ELMO1: variants seen among roughly 807,000 people sequenced by gnomAD.
The protein encoded by ELMO1 is engulfment and cell motility 1.
A neutral mutation model predicts 98.9 loss-of-function variants in ELMO1; 26 were observed. The ratio of observed to expected loss-of-function variants is 0.26; its 90% CI spans 0.19 to 0.36. The LOEUF is 0.36. ELMO1 is among the 10% of genes least tolerant of loss of function. The pLI is 1.00. For missense variants in ELMO1, 627 were observed against 935.2 expected (o/e 0.67, Z 4.30); for synonymous variants, 346 against 346.0 (o/e 1.00, Z 0.00).
chr7:36,992,831 A>G (rs577525002), intron 16 of ELMO1, among the ~76,000 whole-genome samples: 195 of 152,258 alleles, frequency 1.3e-3, no homozygotes, highest in Non-Finnish European at 1.3e-3. Flanking sequence ...CCCACGGCTC[A>G]CCATGTTTTT....
intron 5 of ELMO1, among the ~76,000 whole-genome samples, chr7:37,260,674 A>T (rs186899894): frequency 6.1e-4 from 93 of 152,288 alleles, no homozygotes; most frequent in African/African-American, 2.1e-3. Context: ...GATAGAACCC[A>T]TGCCCCGATC....
intron 4 of ELMO1, among the ~76,000 whole-genome samples, chr7:37,290,326 A>G (rs551296473): frequency 7.9e-5 from 12 of 152,234 alleles, no homozygotes; most frequent in Non-Finnish European, 1.6e-4. Context: ...AGAAAAAGGT[A>G]AAGATTTAGC....
At chr7:37,341,685 C>G (rs184559090) in intron 2 of ELMO1, among the ~76,000 whole-genome samples, 4 of 152,134 alleles carry the variant, frequency 2.6e-5, no homozygotes, top group Admixed American at 2.6e-4. Flanking sequence ...GATCTGCCAC[C>G]AGATAATAAA....
intron 1 of ELMO1, among the ~76,000 whole-genome samples, chr7:37,423,495 G>A (rs1387032910): frequency 5.9e-5 from 9 of 152,152 alleles, no homozygotes; most frequent in African/African-American, 1.7e-4. Context: ...CAGGAGAATC[G>A]CTTGAACCCG....
intron 1 of ELMO1, among the ~76,000 whole-genome samples, chr7:37,367,363 A>G (rs1382188011): frequency 1.3e-5 from 2 of 152,170 alleles, no homozygotes; most frequent in Non-Finnish European, 2.9e-5. Flanking sequence ...TATTGTCCTA[A>G]TTCCACTCTG....
chr7:36,900,765 A>G (rs1450244543), intron 16 of ELMO1, among the ~76,000 whole-genome samples: 1 of 152,200 alleles, frequency 6.6e-6, no homozygotes. Context: ...TGACGAGAAA[A>G]GGCTGTCTTA....
At chr7:37,385,327 C>T (rs561427092) in intron 1 of ELMO1, among the ~76,000 whole-genome samples, 63 of 152,302 alleles carry the variant, frequency 4.1e-4, no homozygotes, top group Non-Finnish European at 8.7e-4. Flanking sequence ...CTTTTCTGTT[C>T]CTCATTCCAT....
At chr7:37,449,131 T>A (rs1805791765), upstream of ELMO1, 1 of 152,132 alleles carries the variant, frequency 6.6e-6, no homozygotes, top group Non-Finnish European at 1.5e-5. Context: ...CTTTTTGAAG[T>A]CCCCCTACTT....
At chr7:36,948,211 C>T (rs754115390) in intron 16 of ELMO1, among the ~76,000 whole-genome samples, 16 of 151,720 alleles carry the variant, frequency 1.1e-4, no homozygotes, top group Non-Finnish European at 2.1e-4. Flanking sequence ...TTCTTAAAAT[C>T]ATTTAGAGGG....
intron 1 of ELMO1, among the ~76,000 whole-genome samples, chr7:37,421,530 C>T (rs2131533423): frequency 6.6e-6 from 1 of 152,272 alleles, no homozygotes; most frequent in South Asian, 2.1e-4. Flanking sequence ...TAAATCTTTC[C>T]CTGTGAGGAT....
intron 14 of ELMO1, among the ~76,000 whole-genome samples, chr7:37,121,625 G>T (rs1786048913): frequency 1.3e-5 from 2 of 152,218 alleles, no homozygotes; most frequent in African/African-American, 4.8e-5. Flanking sequence ...ATGGGACTAT[G>T]TGAAAAGACC....
chr7:36,981,866 TTC>T (rs1475192169), intron 16 of ELMO1, among the ~76,000 whole-genome samples: 3 of 152,248 alleles, frequency 2.0e-5, no homozygotes, highest in Non-Finnish European at 4.4e-5. Flanking sequence ...AACATTCTGT[TTC>T]TCTGTTACCA....
intron 7 of ELMO1, among the ~76,000 whole-genome samples, chr7:37,238,573 G>A (rs1351782453): frequency 6.6e-6 from 1 of 152,118 alleles, no homozygotes; most frequent in African/African-American, 2.4e-5. Context: ...CAATAGCTAA[G>A]AAATCCTATA....
intron 7 of ELMO1, among the ~76,000 whole-genome samples, chr7:37,243,965 G>A (rs552071821): frequency 5.3e-5 from 8 of 152,164 alleles, no homozygotes; most frequent in South Asian, 2.1e-4. Flanking sequence ...ATGTGAATCC[G>A]TTTTCTTTCT....
chr7:37,295,985 G>C (rs1798008466), intron 4 of ELMO1, among the ~76,000 whole-genome samples: 1 of 152,190 alleles, frequency 6.6e-6, no homozygotes, highest in Non-Finnish European at 1.5e-5. Flanking sequence ...GTATTTACCA[G>C]TTTTCCATTG....
intron 10 of ELMO1, among the ~76,000 whole-genome samples, chr7:37,218,352 C>T (rs1314298073): frequency 2.0e-5 from 3 of 152,160 alleles, no homozygotes; most frequent in Non-Finnish European, 4.4e-5. Context: ...GTGAGTCCCT[C>T]ATGAGCAGAA....
At chr7:37,125,759 A>C (rs1025742288) in intron 14 of ELMO1, among the ~76,000 whole-genome samples, 1 of 152,230 alleles carries the variant, frequency 6.6e-6, no homozygotes, top group African/African-American at 2.4e-5. Context: ...AGAATCGAGA[A>C]CTAGAAATAC....
intron 16 of ELMO1, among the ~76,000 whole-genome samples, chr7:36,925,887 G>A (rs1028756867): frequency 7.2e-5 from 11 of 152,108 alleles, no homozygotes; most frequent in African/African-American, 2.7e-4. Context: ...CAATGGTGAT[G>A]GATGTTTCTA....
At chr7:37,025,011 C>A (rs191279892) in intron 15 of ELMO1, among the ~76,000 whole-genome samples, 1 of 152,160 alleles carries the variant, frequency 6.6e-6, no homozygotes, top group Non-Finnish European at 1.5e-5. Flanking sequence ...GCTAAGTAAC[C>A]CCTGGGAATT....
Sources: gnomAD v4.1 joint callset for allele counts (sites outside exome capture counted in the v4.1 genomes callset) on GRCh38, gnomAD v4.1.1 for gene constraint, MANE v1.5 for transcripts, NCBI Gene and HGNC (gene_info 2026-07-23, HGNC 2026-07-21) for gene names.